DPP4: variants seen among roughly 807,000 people sequenced by gnomAD.
The protein encoded by DPP4 is dipeptidyl peptidase 4, also known as ADCP-2.
A neutral mutation model predicts 122.4 loss-of-function variants in DPP4; 93 were observed. The ratio of observed to expected loss-of-function variants is 0.76; its 90% CI spans 0.64 to 0.90. DPP4 has a LOEUF of 0.90. Among genes scored for constraint, DPP4 ranks in the 40% least tolerant of loss-of-function variants. The pLI, the probability that DPP4 is intolerant of heterozygous loss-of-function variation, is 0.00. For missense variants in DPP4, 914 were observed against 907.3 expected (o/e 1.01, Z -0.09); for synonymous variants, 321 against 302.9 (o/e 1.06, Z -0.62).
Position 162,038,428 on chromosome 2 carries a change from A to C in DPP4, c.493-6T>G. On this transcript the variant is annotated splice_region_variant and splice_polypyrimidine_tract_variant and intron_variant, in intron 7 of 25. Coordinates refer to ENST00000360534, the MANE Select transcript of DPP4 (RefSeq NM_001935.4). ...TCATTGTTCCAAACATATGCCTAGA[A>C]GGAAAAAAAACAAGCATTGATATCT... The C allele has an allele frequency of 6.3e-7, 1 of 1,595,018 alleles. No individual in the cohort carries two copies. Among genetic ancestry groups the C allele is most frequent in the Non-Finnish European group, 8.5e-7 (1 of 1,173,302 alleles).
chr2:162,043,440 CA>C (rs1385291121), intron 5 of DPP4, among the ~76,000 whole-genome samples: 1 of 152,094 alleles, frequency 6.6e-6, no homozygotes, highest in Admixed American at 6.5e-5. Flanking sequence ...GCATAGATGG[CA>C]GGGGGAAGGG....
chr2:161,993,897 C>T (rs1181015494), intron 25 of DPP4, among the ~76,000 whole-genome samples: 1 of 151,994 alleles, frequency 6.6e-6, no homozygotes, highest in Admixed American at 6.6e-5. Flanking sequence ...ACTGGAAAAA[C>T]TCTATTTCAA....
intron 1 of DPP4, 65 bp downstream of exon 1, chr2:162,073,911 T>G (rs1685215164): frequency 2.5e-6 from 4 of 1,598,040 alleles, no homozygotes; most frequent in Non-Finnish European, 3.4e-6. Flanking sequence ...TTTTGGGCCA[T>G]TTGGGGAGTT....
At chr2:162,028,265 G>C (rs1191909999) in intron 10 of DPP4, among the ~76,000 whole-genome samples, 1 of 152,088 alleles carries the variant, frequency 6.6e-6, no homozygotes, top group Non-Finnish European at 1.5e-5. Flanking sequence ...GGGAGGCTGA[G>C]GCAGGAGAAC....
At chr2:162,070,504 T>G (rs1559729164) in intron 2 of DPP4, among the ~76,000 whole-genome samples, 2 of 152,144 alleles carry the variant, frequency 1.3e-5, no homozygotes, top group South Asian at 2.1e-4. Flanking sequence ...GTAATTTAGG[T>G]CTTTGCTTTG....
chr2:162,010,228 T>A (rs1458274731), intron 20 of DPP4, among the ~76,000 whole-genome samples: 3 of 152,220 alleles, frequency 2.0e-5, no homozygotes, highest in African/African-American at 7.2e-5. Flanking sequence ...CATGTATAAT[T>A]TGATCAACCT....
At position 162,035,231 on chromosome 2, in the gene DPP4, A is replaced by G. The variant is rs1253231815; in HGVS notation, c.707T>C (p.Ile236Thr). ...AQFNDTEVPL[I>T]EYSFYSDESL... is the part of the protein sequence containing the mutation. ...CTCATCAGAGTAGAAGGAGTATTCAATAAGTGGGACTTCTGTGTCGTTAAA... is the reference window on the plus strand; with the variant it reads ...CTCATCAGAGTAGAAGGAGTATTCAGTAAGTGGGACTTCTGTGTCGTTAAA... Residue 236 changes from isoleucine to threonine, a missense_variant, in exon 9 of 26, where the codon ATT becomes ACT. Coordinates refer to ENST00000360534, the MANE Select transcript of DPP4 (RefSeq NM_001935.4). 10 of 1,613,996 alleles carry G rather than the reference A, an allele frequency of 6.2e-6. No individual in the cohort carries two copies. Among genetic ancestry groups the G allele is most frequent in the Non-Finnish European group, 8.5e-6 (10 of 1,179,980 alleles).
chr2:162,062,788 C>T (rs1220609960), intron 2 of DPP4, among the ~76,000 whole-genome samples: 1 of 152,080 alleles, frequency 6.6e-6, no homozygotes, highest in African/African-American at 2.4e-5. Context: ...TCAGTCAGGC[C>T]CAAGCAGGTA....
chr2:162,027,664 C>A (rs1683380733), intron 10 of DPP4, among the ~76,000 whole-genome samples: 1 of 152,118 alleles, frequency 6.6e-6, no homozygotes, highest in Non-Finnish European at 1.5e-5. Flanking sequence ...GGGGGAACAA[C>A]TTTTTGACAA....
chr2:161,995,129 T>G (rs1249576172), intron 24 of DPP4, 95 bp from the exon 25 acceptor site: 1 of 1,446,922 alleles, frequency 6.9e-7, no homozygotes, highest in Admixed American at 1.7e-5. Flanking sequence ...AGGGACTGTT[T>G]GAAGTTCTAG....
chr2:162,019,698 A>G (rs950188037), intron 14 of DPP4, among the ~76,000 whole-genome samples: 7 of 152,042 alleles, frequency 4.6e-5, no homozygotes, highest in African/African-American at 1.4e-4. Flanking sequence ...ACTGCTAAAG[A>G]GGGGCTTCAA....
Position 162,026,914 on chromosome 2 carries a change from A to C in DPP4, c.888-1975T>G, listed in dbSNP as rs181893347. 7.2e-5 allele frequency among the ~76,000 whole-genome samples: 11 copies of C among 152,324 alleles called. No homozygotes were observed. In the East Asian group the frequency reaches 1.5e-3, roughly 21 times the overall value. On this transcript the variant is annotated intron_variant, in intron 10 of 25. Coordinates refer to ENST00000360534, the MANE Select transcript of DPP4 (RefSeq NM_001935.4). Reference sequence around the variant, plus strand: ...TTTTCAATTAAGGGTCAGAGAGTTAAGTATTTTAAGCATTGTGGTCCACAT... The same window carrying C: ...TTTTCAATTAAGGGTCAGAGAGTTACGTATTTTAAGCATTGTGGTCCACAT...
chr2:162,042,434 C>T lies in DPP4; in HGVS notation c.366+3098G>A, dbSNP rs114440498. ...CTCATTTATTTATTTGTAGCCACAA[C>T]TTGGAAGTGATAGCACTAACTCAGT... On this transcript the variant is annotated intron_variant, in intron 5 of 25. Coordinates refer to ENST00000360534, the MANE Select transcript of DPP4 (RefSeq NM_001935.4). Among the ~76,000 whole-genome samples the T allele has an allele frequency of 3.9e-3, 595 of 152,260 alleles. 8 individuals carry two copies. Among genetic ancestry groups the T allele is most frequent in the African/African-American group, 0.014 (579 of 41,530 alleles).
At chr2:162,016,410 G>A (rs1682927567) in intron 18 of DPP4, among the ~76,000 whole-genome samples, 1 of 152,144 alleles carries the variant, frequency 6.6e-6, no homozygotes, top group Non-Finnish European at 1.5e-5. Flanking sequence ...AACTATCTCA[G>A]ATATCCTTGA....
At chr2:162,040,760 T>C in intron 5 of DPP4, among the ~76,000 whole-genome samples, 1 of 152,024 alleles carries the variant, frequency 6.6e-6, no homozygotes, top group East Asian at 1.9e-4. Flanking sequence ...CTTAAATTAA[T>C]AATGATATAT....
At chr2:162,061,935 G>A (rs150723361) in intron 2 of DPP4, among the ~76,000 whole-genome samples, 10 of 152,214 alleles carry the variant, frequency 6.6e-5, no homozygotes, top group African/African-American at 2.2e-4. Context: ...GCCAATGAAC[G>A]ATGTTAAGCA....
chr2:162,020,588 T>C lies in DPP4; in HGVS notation c.1169A>G (p.Asp390Gly), dbSNP rs779396846. ...ATATGTAAGAATACTCACTTTTTTA[T>C]CTATTTGGAAATAGCAAATGTGTCT... ...GYRHICYFQI[D>G]KKDCTFITKG... The change falls in exon 13 of 26, where the codon GAT becomes GGT. Residue 390 changes from aspartate to glycine, a missense_variant. Physicochemically the swap from Asp to Gly is moderately conservative, Grantham distance 94 (BLOSUM62 -1). Coordinates refer to ENST00000360534, the MANE Select transcript of DPP4 (RefSeq NM_001935.4). 1.9e-6 allele frequency: 3 copies of C among 1,599,622 alleles called. No individual in the cohort carries two copies. The South Asian group carries it at 3.5e-5, about 18-fold the overall frequency.
At chr2:162,037,749 A>G (rs1217294548) in intron 8 of DPP4, among the ~76,000 whole-genome samples, 1 of 152,152 alleles carries the variant, frequency 6.6e-6, no homozygotes, top group Non-Finnish European at 1.5e-5. Context: ...ATTCCTTTTT[A>G]ACTTTTTTAG....
chr2:162,044,252 A>C (rs1403303873), intron 5 of DPP4, among the ~76,000 whole-genome samples: 1 of 152,224 alleles, frequency 6.6e-6, no homozygotes, highest in East Asian at 1.9e-4. Flanking sequence ...ACTTACAGTT[A>C]ATTTTAACAG....
Sources: gnomAD v4.1 joint callset for allele counts (sites outside exome capture counted in the v4.1 genomes callset) on GRCh38, gnomAD v4.1.1 for gene constraint, MANE v1.5 for transcripts, NCBI Gene and HGNC (gene_info 2026-07-23, HGNC 2026-07-21) for gene names.